The following AGMO variants were observed in gnomAD, a reference collection of about 807,000 sequenced individuals.
AGMO encodes the protein alkylglycerol monooxygenase, also known as glyceryl-ether monooxygenase.
A neutral mutation model predicts 60.2 loss-of-function variants in AGMO; 75 were observed. That is an observed-to-expected ratio of 1.25 (90% CI 1.03 to 1.51). AGMO has a LOEUF of 1.51. Ranked by LOEUF, AGMO falls within the 40% of genes most tolerant of loss-of-function variation. The probability of loss-of-function intolerance (pLI) is 0.00; values close to 1 mark genes in which losing one functional copy is unlikely to be tolerated. For missense variants in AGMO, 763 were observed against 525.5 expected (o/e 1.45, Z -4.42); for synonymous variants, 261 against 177.1 (o/e 1.47, Z -3.76).
chr7:15,415,446 G>A (rs1044286058), intron 5 of AGMO, among the ~76,000 whole-genome samples: 1 of 151,982 alleles, frequency 6.6e-6, no homozygotes, highest in East Asian at 2.0e-4. Flanking sequence ...GGGAGGTTGA[G>A]GCAGAAGAAT....
At chr7:15,166,587 A>T in the AGMO span, among the ~76,000 whole-genome samples, 1 of 152,152 alleles carries the variant, frequency 6.6e-6, no homozygotes, top group Admixed American at 6.5e-5. Context: ...AAAAGTTATC[A>T]TTCCAGGTGC....
At chr7:15,279,366 C>A (rs961459256) in intron 12 of AGMO, among the ~76,000 whole-genome samples, 1 of 152,178 alleles carries the variant, frequency 6.6e-6, no homozygotes, top group Non-Finnish European at 1.5e-5. Context: ...AGAAGATCTA[C>A]TTGAATTGTT....
At chr7:15,296,513 C>G (rs1490716608) in intron 12 of AGMO, among the ~76,000 whole-genome samples, 1 of 152,078 alleles carries the variant, frequency 6.6e-6, no homozygotes, top group Non-Finnish European at 1.5e-5. Flanking sequence ...CCATCCTTTC[C>G]AAGAGAAGAC....
chr7:15,393,020 G>C (rs1401558588), intron 6 of AGMO, among the ~76,000 whole-genome samples: 1 of 152,174 alleles, frequency 6.6e-6, no homozygotes, highest in Admixed American at 6.5e-5. Context: ...CGGCTATATG[G>C]GTTCTCAAGG....
At chr7:15,218,327 A>ATGTGTGTGTGTGTG (rs138890087) in intron 12 of AGMO, among the ~76,000 whole-genome samples, 316 of 144,014 alleles carry the variant, frequency 2.2e-3, no homozygotes, top group African/African-American at 7.1e-3. Flanking sequence ...TGGTGTGTGT[A>ATGTGTGTGTGTGTG]TGTGTGTGTG....
intron 3 of AGMO, among the ~76,000 whole-genome samples, chr7:15,540,088 G>C (rs73679647): frequency 1.3e-5 from 2 of 152,078 alleles, no homozygotes; most frequent in African/African-American, 2.4e-5. Flanking sequence ...GGAATTCAAT[G>C]TTACAGAAGT....
At chr7:15,435,130 T>C (rs1243914151) in intron 3 of AGMO, among the ~76,000 whole-genome samples, 1 of 152,046 alleles carries the variant, frequency 6.6e-6, no homozygotes, top group Admixed American at 6.6e-5. Flanking sequence ...TTGAAGAACA[T>C]TTCAGTTGTT....
chr7:15,437,053 T>C (rs1781422632), intron 3 of AGMO, among the ~76,000 whole-genome samples: 2 of 152,150 alleles, frequency 1.3e-5, no homozygotes, highest in South Asian at 4.1e-4. Context: ...GCTTAGTTGA[T>C]AAATAAATAT....
At chr7:15,505,793 CA>C (rs1352676869) in intron 3 of AGMO, among the ~76,000 whole-genome samples, 2 of 151,934 alleles carry the variant, frequency 1.3e-5, no homozygotes, top group African/African-American at 4.8e-5. Flanking sequence ...TTATTAATAA[CA>C]GAGTCTAAGA....
At chr7:15,369,306 A>G (rs937495619) in intron 10 of AGMO, among the ~76,000 whole-genome samples, 1 of 152,050 alleles carries the variant, frequency 6.6e-6, no homozygotes, top group Non-Finnish European at 1.5e-5. Context: ...AGCTTATGTG[A>G]GATCATGTCA....
chr7:15,224,082 T>A (rs1023907843), intron 12 of AGMO, among the ~76,000 whole-genome samples: 1 of 151,970 alleles, frequency 6.6e-6, no homozygotes, highest in Non-Finnish European at 1.5e-5. Context: ...GAGATCTAAA[T>A]TAAATGAAGA....
chr7:15,160,208 A>G, the AGMO span, among the ~76,000 whole-genome samples: 1 of 152,170 alleles, frequency 6.6e-6, no homozygotes, highest in Non-Finnish European at 1.5e-5. Flanking sequence ...GAATTTTAAC[A>G]TTAACACCTG....
At chr7:15,210,618 CTG>C (rs1323694049) in intron 12 of AGMO, among the ~76,000 whole-genome samples, 1 of 152,098 alleles carries the variant, frequency 6.6e-6, no homozygotes, top group Non-Finnish European at 1.5e-5. Flanking sequence ...AGGTAACTAA[CTG>C]TTCAATTTCC....
At chr7:15,189,626 C>T in the AGMO span, among the ~76,000 whole-genome samples, 5 of 152,020 alleles carry the variant, frequency 3.3e-5, no homozygotes, top group South Asian at 4.2e-4. Context: ...ACATTCACAG[C>T]GCATCGCACC....
intron 12 of AGMO, among the ~76,000 whole-genome samples, chr7:15,305,838 G>A (rs1302306326): frequency 6.6e-6 from 1 of 151,960 alleles, no homozygotes; most frequent in African/African-American, 2.4e-5. Flanking sequence ...CACTAAGAAT[G>A]TGTAATGAAT....
At chr7:15,358,246 A>G (rs1016162770) in intron 12 of AGMO, 8 of 257,156 alleles carry the variant, frequency 3.1e-5, no homozygotes, top group Admixed American at 1.0e-4. Context: ...TATTGAATAG[A>G]TCAATAAAAA....
intron 3 of AGMO, among the ~76,000 whole-genome samples, chr7:15,525,316 C>A (rs777470133): frequency 2.0e-5 from 3 of 152,090 alleles, no homozygotes; most frequent in East Asian, 1.9e-4. Context: ...GATAAATCTG[C>A]GGACTAGATT....
At chr7:15,372,219 G>C (rs558197966) in intron 10 of AGMO, among the ~76,000 whole-genome samples, 18 of 152,188 alleles carry the variant, frequency 1.2e-4, no homozygotes, top group African/African-American at 3.4e-4. Flanking sequence ...ACGACGCTGA[G>C]GTGAGCGGAT....
chr7:15,486,880 C>CA (rs1480437581), intron 3 of AGMO, among the ~76,000 whole-genome samples: 5 of 152,156 alleles, frequency 3.3e-5, no homozygotes, highest in African/African-American at 2.4e-5. Context: ...TTCACACATA[C>CA]AAAAAAATAT....
Sources: gnomAD v4.1 joint callset for allele counts (sites outside exome capture counted in the v4.1 genomes callset) on GRCh38, gnomAD v4.1.1 for gene constraint, MANE v1.5 for transcripts, NCBI Gene and HGNC (gene_info 2026-07-23, HGNC 2026-07-21) for gene names.